The following MKNK2 variants were observed in gnomAD, a reference collection of about 807,000 sequenced individuals.
MKNK2 encodes MAP kinase-interacting serine/threonine-protein kinase 2.
A neutral mutation model predicts 55.0 loss-of-function variants in MKNK2; 54 were observed. The ratio of observed to expected loss-of-function variants is 0.98; its 90% CI spans 0.79 to 1.23. The LOEUF (loss-of-function observed/expected upper bound fraction) is 1.23, where lower values mean the gene tolerates loss of function less well. Among genes scored for constraint, MKNK2 ranks in the 50% most tolerant of loss-of-function variants. The pLI, the probability that MKNK2 is intolerant of heterozygous loss-of-function variation, is 0.00. For missense variants in MKNK2, 685 were observed against 632.1 expected (o/e 1.08, Z -0.90); for synonymous variants, 323 against 256.0 (o/e 1.26, Z -2.50).
In MKNK2 at chr19:2,050,815, G is replaced by A; in HGVS notation, c.37C>T (p.His13Tyr). 2.0e-6 allele frequency: 3 copies of A among 1,537,892 alleles called. No homozygotes were observed. The highest frequency in any genetic ancestry group is 2.6e-6 in the Non-Finnish European group (3 of 1,142,016). ...CCGGGCCTCACCTTGAACGAACGGT[G>A]GAAACCCTGAAGTTCGGCTGGTTTC... ...QKKPAELQGF[H>Y]RSFKGQNPFE... The change falls in exon 2 of 14, where the codon CAC (histidine) becomes TAC (tyrosine). Residue 13 changes from histidine (H) to tyrosine (Y), a missense_variant. Coordinates refer to ENST00000250896, the MANE Select transcript of MKNK2 (RefSeq NM_199054.3).
rs767410526 is a variant in MKNK2 at position 2,043,493 on chromosome 19, G to C, written c.419+10C>G. On this transcript the variant is annotated intron_variant, in intron 6 of 13. Transcript: ENST00000250896. ...TCAGGCCAGTGCGGTGGCAAGGGTG[G>C]CTCACCTACCTGTGTCCCTGGCACT... is the stretch of plus-strand genomic sequence containing the variant. 1.2e-6 allele frequency: 2 copies of C among 1,612,796 alleles called. No individual in the cohort carries two copies. Among genetic ancestry groups the C allele is most frequent in the South Asian group, 2.2e-5 (2 of 91,064 alleles).
At chr19:2,042,232 C>T (rs895451425) in intron 10 of MKNK2, 195 bp downstream of exon 10, 6 of 726,552 alleles carry the variant, frequency 8.3e-6, no homozygotes, top group African/African-American at 7.5e-5. Context: ...GGCCCCGCCC[C>T]ACCCGGCCAA....
chr19:2,044,178 C>T (rs1302118087), intron 5 of MKNK2, among the ~76,000 whole-genome samples: 1 of 152,042 alleles, frequency 6.6e-6, no homozygotes, highest in Non-Finnish European at 1.5e-5. Context: ...GGGTGGGTAC[C>T]TGGTCACCCA....
chr19:2,038,268 A>G lies in MKNK2; in HGVS notation c.*1345T>C, dbSNP rs977491932. 6.1e-6 allele frequency: 6 copies of G among 987,378 alleles called. No homozygotes were observed. In the East Asian group the frequency reaches 5.6e-4, roughly 93 times the overall value. The allele number at this position is 987,378 out of a possible 1,614,324, so 61.2% of individuals were successfully genotyped here. A position where few individuals can be genotyped will look rare whatever the true frequency, so the allele number is the denominator to read the frequency against. ...TGTTGTTTTTTTTTAAGGAAAAACT[A>G]AAAAACTAAACAGGAGGAAGAATCC... On this transcript the variant is annotated 3_prime_UTR_variant, in exon 14 of 14. Transcript: ENST00000250896.
chr19:2,040,924 A>T (rs750961924), intron 12 of MKNK2, 116 bp downstream of exon 12: 1 of 1,014,138 alleles, frequency 9.9e-7, no homozygotes, highest in African/African-American at 1.6e-5. Flanking sequence ...TGTGCTCTCA[A>T]GCCTCAGTGC....
intron 2 of MKNK2, among the ~76,000 whole-genome samples, chr19:2,048,894 T>C (rs991117518): frequency 6.6e-6 from 1 of 152,096 alleles, no homozygotes; most frequent in African/African-American, 2.4e-5. Flanking sequence ...ACAAGGCAGG[T>C]GACCAGGGTC....
chr19:2,038,871 C>A lies in MKNK2; in HGVS notation c.*742G>T, dbSNP rs866126643. 91 of 985,648 alleles carry A rather than the reference C, an allele frequency of 9.2e-5. No homozygotes were observed. In the African/African-American group the frequency reaches 1.0e-3, roughly 11 times the overall value. The allele number at this position is 985,648 out of a possible 1,614,324, so 61.1% of individuals were successfully genotyped here. A position where few individuals can be genotyped will look rare whatever the true frequency, so the allele number is the denominator to read the frequency against. On this transcript the variant is annotated 3_prime_UTR_variant, in exon 14 of 14. Coordinates refer to ENST00000250896, the MANE Select transcript of MKNK2 (RefSeq NM_199054.3). ...TGTGGAGGGGAGGGGCAGCGGCGAG[C>A]CCCTGGGGTCAGCTGCAGTTTAAGG...
chr19:2,039,386 A>G lies in MKNK2; in HGVS notation c.*227T>C. 2 of 1,389,588 alleles carry G rather than the reference A, an allele frequency of 1.4e-6. No homozygotes were observed. Among genetic ancestry groups the G allele is most frequent in the Non-Finnish European group, 1.9e-6 (2 of 1,073,652 alleles). 86.1% of individuals were successfully genotyped at this position (1,389,588 alleles called of 1,614,324 possible). On this transcript the variant is annotated 3_prime_UTR_variant, in exon 14 of 14. Transcript: ENST00000250896. The stretch of plus-strand genomic sequence containing the variant: ...CTGCTCACCTTCCCGGGTGCCTGCA[A>G]TGCTTTTAACCATCCAAAGGAAAAA...
In MKNK2 at chr19:2,050,898, G is replaced by C; in HGVS notation, c.-47C>G. Reference sequence around the variant, plus strand: ...CGGGGGAGGGGACCGAGGGCCCGGGGGGAGGCCCGAGGGCGGGCGGCCGGG... The same window carrying C: ...CGGGGGAGGGGACCGAGGGCCCGGGCGGAGGCCCGAGGGCGGGCGGCCGGG... On this transcript the variant is annotated 5_prime_UTR_variant, in exon 2 of 14. Transcript: ENST00000250896. The C allele has an allele frequency of 4.1e-6, 6 of 1,458,088 alleles. No homozygotes were observed. In the South Asian group the frequency reaches 7.7e-5, roughly 19 times the overall value. The allele number at this position is 1,458,088 out of a possible 1,614,324, so 90.3% of individuals were successfully genotyped here. A position where few individuals can be genotyped will look rare whatever the true frequency, so the allele number is the denominator to read the frequency against.
intron 12 of MKNK2, 63 bp from the exon 13 acceptor site, chr19:2,040,240 G>T: frequency 7.2e-7 from 1 of 1,397,688 alleles, no homozygotes; most frequent in Non-Finnish European, 9.7e-7. Context: ...GGCGCTGGGT[G>T]GGGTGTCTGG....
chr19:2,042,879 G>C lies in MKNK2; in HGVS notation c.494-9C>G. 1.9e-6 allele frequency: 3 copies of C among 1,555,010 alleles called. No individual in the cohort carries two copies. The highest frequency in any genetic ancestry group is 2.6e-6 in the Non-Finnish European group (3 of 1,149,228). Reference sequence around the variant, plus strand: ...GTGGCTCAGGATGGAGCCTGGGCAGGGCAGGGCAGGGCAGGACAGGGGGAA... The same window carrying C: ...GTGGCTCAGGATGGAGCCTGGGCAGCGCAGGGCAGGGCAGGACAGGGGGAA... On this transcript the variant is annotated splice_polypyrimidine_tract_variant and intron_variant, in intron 7 of 13. Coordinates refer to ENST00000250896, the MANE Select transcript of MKNK2 (RefSeq NM_199054.3).
In MKNK2 at chr19:2,042,495, C is replaced by A; in HGVS notation, c.682G>T (p.Asp228Tyr). 1 of 1,597,320 alleles carries A rather than the reference C, an allele frequency of 6.3e-7. No individual in the cohort carries two copies. The highest frequency in any genetic ancestry group is 8.5e-7 in the Non-Finnish European group (1 of 1,173,378). Residue 228 changes from aspartate to tyrosine, a missense_variant, in exon 10 of 14, where the codon GAC (aspartate) becomes TAC (tyrosine). By Grantham distance (160) the Asp-to-Tyr change is radical. Coordinates refer to ENST00000250896, the MANE Select transcript of MKNK2 (RefSeq NM_199054.3). ...QVSPVKICDF[D>Y]LGSGIKLNGD... The stretch of plus-strand genomic sequence containing the variant: ...TTGAGTTTGATGCCGCTGCCCAGGT[C>A]GAAGTCACAGATCTTCACGGGGGAG...
rs148141649 is a variant in MKNK2, at chr19:2,037,979, G to A, written c.*1634C>T. 190 of 1,380,814 alleles carry A rather than the reference G, an allele frequency of 1.4e-4. 1 individual carries two copies. The East Asian group carries it at 4.8e-3, about 35-fold the overall frequency. 85.5% of individuals were successfully genotyped at this position (1,380,814 alleles called of 1,614,324 possible). On this transcript the variant is annotated 3_prime_UTR_variant, in exon 14 of 14. Transcript: ENST00000250896. ...AGAGAATCCCCCGTTACGAAACATG[G>A]AATCACTGACAGGCGAGAAGTGATG...
chr19:2,040,400 G>A (rs1292201087), intron 12 of MKNK2: 1 of 537,678 alleles, frequency 1.9e-6, no homozygotes, highest in African/African-American at 2.0e-5. Context: ...GGGCCAGGCT[G>A]AGGCCTGGTG....
In MKNK2 at chr19:2,038,896, GTCAAGGTCGGAGGCCGAATC is replaced by G. The variant is rs1009645115; in HGVS notation, c.*697_*716del. The G allele has an allele frequency of 1.5e-4, 151 of 985,786 alleles. No homozygotes were observed. Among genetic ancestry groups the G allele is most frequent in the Non-Finnish European group, 1.7e-4 (141 of 830,030 alleles). The allele number at this position is 985,786 out of a possible 1,614,324, so 61.1% of individuals were successfully genotyped here. A position where few individuals can be genotyped will look rare whatever the true frequency, so the allele number is the denominator to read the frequency against. On this transcript the variant is annotated 3_prime_UTR_variant, in exon 14 of 14. Coordinates refer to ENST00000250896, the MANE Select transcript of MKNK2 (RefSeq NM_199054.3). The stretch of plus-strand genomic sequence containing the variant: ...CCCCTGGGGTCAGCTGCAGTTTAAG[GTCAAGGTCGGAGGCCGAATC>G]TGGCCACCAGGAGTCCTGGACAGAC...
Position 2,043,493 on chromosome 19 carries a change from G to A in MKNK2, c.419+10C>T. On this transcript the variant is annotated intron_variant, in intron 6 of 13. Transcript: ENST00000250896. ...TCAGGCCAGTGCGGTGGCAAGGGTGGCTCACCTACCTGTGTCCCTGGCACT... is the reference window on the plus strand; with the variant it reads ...TCAGGCCAGTGCGGTGGCAAGGGTGACTCACCTACCTGTGTCCCTGGCACT... 3 of 1,612,796 alleles carry A rather than the reference G, an allele frequency of 1.9e-6. No homozygotes were observed. The highest frequency in any genetic ancestry group is 2.5e-6 in the Non-Finnish European group (3 of 1,178,928).
intron 2 of MKNK2, among the ~76,000 whole-genome samples, chr19:2,049,790 G>T (rs567721898): frequency 1.3e-5 from 2 of 152,284 alleles, no homozygotes; most frequent in East Asian, 3.9e-4. Context: ...ACTGGGCAGG[G>T]GTGGCAGGGG....
Position 2,038,578 on chromosome 19 carries a change from G to A in MKNK2, c.*1035C>T. ...GTGGCAGACCAAAAACACTGCCCTG[G>A]GGGTGAGGATTCGGCCAGACCCCGG... On this transcript the variant is annotated 3_prime_UTR_variant, in exon 14 of 14. Transcript: ENST00000250896. 1.0e-6 allele frequency: 1 copy of A among 985,522 alleles called. No homozygotes were observed. Among genetic ancestry groups the A allele is most frequent in the African/African-American group, 1.7e-5 (1 of 57,314 alleles). 61.0% of individuals were successfully genotyped at this position (985,522 alleles called of 1,614,324 possible). A position where few individuals can be genotyped will look rare whatever the true frequency, so the allele number is the denominator to read the frequency against.
Position 2,042,646 on chromosome 19 carries a change from G to C in MKNK2, c.615C>G (p.Asp205Glu). ...FLHNKGIAHRDLKPENILCEH... is the reference protein window; with the variant it reads ...FLHNKGIAHRELKPENILCEH... The stretch of plus-strand genomic sequence containing the variant: ...CACAGAGGATGTTTTCCGGCTTTAG[G>C]TCCCTGTGGGCGATGCCTGGGGGAG... The change falls in exon 9 of 14, where the codon GAC (aspartate) becomes GAG (glutamate). Residue 205 changes from aspartate (D) to glutamate (E), a missense_variant. Transcript: ENST00000250896. 6.4e-7 allele frequency: 1 copy of C among 1,562,880 alleles called. No individual in the cohort carries two copies. Among genetic ancestry groups the C allele is most frequent in the Non-Finnish European group, 8.7e-7 (1 of 1,153,002 alleles).
Sources: allele counts gnomAD v4.1 joint callset (sites outside exome capture counted in the v4.1 genomes callset), GRCh38; gene constraint gnomAD v4.1.1; transcripts MANE v1.5; gene names NCBI Gene and HGNC (gene_info 2026-07-23, HGNC 2026-07-21).